Variants in MGMT observed in about 807,000 individuals in gnomAD.
MGMT encodes methylated-DNA--protein-cysteine methyltransferase.
In MGMT, 14 loss-of-function variants were observed where a neutral mutation model predicts 15.9. The observed-to-expected ratio is 0.88, with a 90% CI of 0.58 to 1.37. The LOEUF is 1.37. Ranked by LOEUF, MGMT falls within the 40% of genes most tolerant of loss-of-function variation. The pLI is 0.00. For missense variants in MGMT, 282 were observed against 268.1 expected, an observed-to-expected ratio of 1.05 and a Z score of -0.36; for synonymous variants, 130 against 118.2, an observed-to-expected ratio of 1.10 and a Z score of -0.65.
chr10:129,747,006 T>G (rs536263342), intron 3 of MGMT, among the ~76,000 whole-genome samples: 47 of 152,316 alleles, frequency 3.1e-4, no homozygotes, highest in African/African-American at 1.0e-3. Context: ...GTGATTACTT[T>G]TTCAGCATTT....
At chr10:129,624,278 C>T (rs919272426) in intron 2 of MGMT, among the ~76,000 whole-genome samples, 1 of 152,196 alleles carries the variant, frequency 6.6e-6, no homozygotes, top group African/African-American at 2.4e-5. Flanking sequence ...GTCCTGCTCC[C>T]CCGGGGACAG....
chr10:129,737,127 T>A (rs909762917), intron 3 of MGMT, among the ~76,000 whole-genome samples: 1 of 152,174 alleles, frequency 6.6e-6, no homozygotes, highest in Non-Finnish European at 1.5e-5. Flanking sequence ...TTGGGGAAGT[T>A]CTCCTGGATA....
intron 1 of MGMT, among the ~76,000 whole-genome samples, chr10:129,472,757 G>T (rs540743255): frequency 6.6e-6 from 1 of 152,194 alleles, no homozygotes; most frequent in African/African-American, 2.4e-5. Flanking sequence ...ATGCAGAGTC[G>T]CTCTGTTTTG....
chr10:129,644,522 G>C (rs566419596), intron 2 of MGMT, among the ~76,000 whole-genome samples: 107 of 152,252 alleles, frequency 7.0e-4, no homozygotes, highest in African/African-American at 2.5e-3. Flanking sequence ...CCACTGCAAA[G>C]GGCCCCATGA....
At chr10:129,611,022 G>A (rs939211949) in intron 2 of MGMT, among the ~76,000 whole-genome samples, 3 of 152,156 alleles carry the variant, frequency 2.0e-5, no homozygotes, top group African/African-American at 7.2e-5. Flanking sequence ...TTAAACTTTG[G>A]TATTTCAGCC....
intron 1 of MGMT, among the ~76,000 whole-genome samples, chr10:129,497,942 G>T (rs1230176119): frequency 2.0e-5 from 3 of 152,204 alleles, no homozygotes; most frequent in Non-Finnish European, 1.5e-5. Context: ...TGTGCGAGAT[G>T]AATTTCTGTT....
intron 1 of MGMT, among the ~76,000 whole-genome samples, chr10:129,508,268 T>C (rs896378265): frequency 1.3e-5 from 2 of 152,192 alleles, no homozygotes; most frequent in African/African-American, 4.8e-5. Flanking sequence ...GAGATAGCTT[T>C]CACATACCTG....
intron 2 of MGMT, among the ~76,000 whole-genome samples, chr10:129,646,754 A>ATATTTTTTTTTTTTTTTT: frequency 1.2e-5 from 1 of 86,678 alleles, no homozygotes; most frequent in African/African-American, 3.9e-5. Flanking sequence ...ATATATATAT[A>ATATTTTTTTTTTTTTTTT]TTTTCAGGGA....
intron 1 of MGMT, among the ~76,000 whole-genome samples, chr10:129,503,374 T>A (rs138372367): frequency 6.6e-6 from 1 of 152,364 alleles, no homozygotes; most frequent in East Asian, 1.9e-4. Flanking sequence ...ATTGTTCTGA[T>A]TACTTTCTGC....
At chr10:129,573,172 C>G (rs1229496303) in intron 2 of MGMT, among the ~76,000 whole-genome samples, 1 of 151,912 alleles carries the variant, frequency 6.6e-6, no homozygotes, top group Non-Finnish European at 1.5e-5. Context: ...GTTATTTTGT[C>G]TTTTTCTTAT....
chr10:129,676,726 A>AT lies in MGMT; in HGVS notation c.126-31165dup, dbSNP rs57299089. Among the ~76,000 whole-genome samples the AT allele has an allele frequency of 6.9e-3, 1,043 of 152,234 alleles. 12 individuals are homozygous for AT. The highest frequency in any genetic ancestry group is 0.024 in the African/African-American group (992 of 41,522). On this transcript the variant is annotated intron_variant, in intron 2 of 4. Coordinates refer to ENST00000651593, the MANE Select transcript of MGMT (RefSeq NM_002412.5). ...CAGAAAAAGCACATGAGGAAATGAA[A>AT]TTTTCTATCTCATTGGGAATTTCTT...
chr10:129,585,594 T>G (rs80107369), intron 2 of MGMT, among the ~76,000 whole-genome samples: 6,973 of 152,302 alleles, frequency 0.046, 205 homozygotes, highest in Middle Eastern at 0.078. Flanking sequence ...CTAGATTACT[T>G]ATGATACCTA....
intron 2 of MGMT, among the ~76,000 whole-genome samples, chr10:129,593,490 C>T (rs1846713818): frequency 6.6e-6 from 1 of 152,230 alleles, no homozygotes; most frequent in Admixed American, 6.5e-5. Context: ...GAGCCCCTGG[C>T]TTCTTATTTT....
intron 2 of MGMT, among the ~76,000 whole-genome samples, chr10:129,551,021 G>T (rs1161006128): frequency 2.6e-5 from 4 of 152,200 alleles, no homozygotes; most frequent in Non-Finnish European, 5.9e-5. Context: ...TTCGGGTAGG[G>T]CCCTGGGTCT....
intron 1 of MGMT, among the ~76,000 whole-genome samples, chr10:129,510,222 A>G (rs1378910956): frequency 2.0e-5 from 3 of 152,210 alleles, no homozygotes; most frequent in East Asian, 3.8e-4. Flanking sequence ...CCGGTCTTTC[A>G]TAGAGGCTAA....
At chr10:129,687,337 A>AGTCTCT (rs1471186310) in intron 2 of MGMT, among the ~76,000 whole-genome samples, 2 of 152,068 alleles carry the variant, frequency 1.3e-5, no homozygotes, top group Non-Finnish European at 2.9e-5. Context: ...TCATAGCCCG[A>AGTCTCT]CGTATCACCC....
intron 2 of MGMT, among the ~76,000 whole-genome samples, chr10:129,601,092 T>C (rs1846816194): frequency 6.6e-6 from 1 of 152,076 alleles, no homozygotes; most frequent in Admixed American, 6.6e-5. Context: ...AAGCATTTTT[T>C]TTTTTTTTAG....
chr10:129,600,031 A>T (rs1846801182), intron 2 of MGMT, among the ~76,000 whole-genome samples: 1 of 152,186 alleles, frequency 6.6e-6, no homozygotes, highest in Non-Finnish European at 1.5e-5. Flanking sequence ...TTGACGGGTC[A>T]TTTCTTTTTG....
At chr10:129,482,018 CTTT>C (rs1845363694) in intron 1 of MGMT, among the ~76,000 whole-genome samples, 1 of 152,064 alleles carries the variant, frequency 6.6e-6, no homozygotes, top group South Asian at 2.1e-4. Flanking sequence ...TTCCTTTCTT[CTTT>C]TCTCATATAA....
Sources: allele counts gnomAD v4.1 joint callset (sites outside exome capture counted in the v4.1 genomes callset), GRCh38; gene constraint gnomAD v4.1.1; transcripts MANE v1.5; gene names NCBI Gene and HGNC (gene_info 2026-07-23, HGNC 2026-07-21).